ZNF407: variants seen among roughly 807,000 people sequenced by gnomAD.
ZNF407 encodes the protein zinc finger protein 407.
ZNF407 carries 17 observed loss-of-function variants against 131.2 expected under a neutral mutation model. The ratio of observed to expected loss-of-function variants is 0.13; its 90% confidence interval spans 0.09 to 0.19. The LOEUF is 0.19. Ranked by LOEUF, ZNF407 falls within the 10% of genes least tolerant of loss-of-function variation. The pLI is 1.00. For synonymous variants in ZNF407, 1,156 were observed against 1,062.0 expected (o/e 1.09, Z -1.72); for missense variants, 2,681 against 2,830.6 (o/e 0.95, Z 1.20).
At chr18:74,786,383 C>A (rs1204678363) in intron 4 of ZNF407, among the ~76,000 whole-genome samples, 1 of 152,082 alleles carries the variant, frequency 6.6e-6, no homozygotes, top group Non-Finnish European at 1.5e-5. Flanking sequence ...CCTCTGTGTC[C>A]AGGCTTCAGG....
intron 3 of ZNF407, among the ~76,000 whole-genome samples, chr18:74,680,746 C>T (rs1966964696): frequency 6.6e-6 from 1 of 152,082 alleles, no homozygotes. Context: ...GTGTTTACCT[C>T]ATCTCCCTGG....
At position 74,884,686 on chromosome 18, in the gene ZNF407, A is replaced by G. The variant is rs115480521; in HGVS notation, c.5128+3567A>G. Among the ~76,000 whole-genome samples, 677 of 152,312 alleles carry G rather than the reference A, an allele frequency of 4.4e-3. 7 individuals carry two copies. Among genetic ancestry groups the G allele is most frequent in the African/African-American group, 0.015 (641 of 41,590 alleles). On this transcript the variant is annotated intron_variant, in intron 6 of 8. Coordinates refer to ENST00000299687, the MANE Select transcript of ZNF407 (RefSeq NM_017757.3). ...TTAATATGAACTATAGAGAATATAT[A>G]TGACATTATTCCTTAGAAGGACTGT...
At chr18:74,960,437 G>C (rs1160874687) in intron 8 of ZNF407, among the ~76,000 whole-genome samples, 290 of 144,262 alleles carry the variant, frequency 2.0e-3, no homozygotes, top group African/African-American at 7.1e-3. Context: ...GGTCCCGACT[G>C]AGTGCTTGGT....
chr18:74,832,358 CT>C (rs2145119494), intron 4 of ZNF407, among the ~76,000 whole-genome samples: 1 of 152,212 alleles, frequency 6.6e-6, no homozygotes, highest in South Asian at 2.1e-4. Flanking sequence ...GACATTCTCT[CT>C]AGTTATACGT....
At chr18:75,008,758 G>A (rs1287562260) in intron 8 of ZNF407, among the ~76,000 whole-genome samples, 1 of 152,122 alleles carries the variant, frequency 6.6e-6, no homozygotes, top group Non-Finnish European at 1.5e-5. Context: ...ACTACCTTCT[G>A]ATCTTTTGCG....
At chr18:74,672,441 T>TCGTCTGTTCATTGGAGCAC (rs1568158462) in intron 3 of ZNF407, among the ~76,000 whole-genome samples, 8 of 22,862 alleles carry the variant, frequency 3.5e-4, no homozygotes, top group Non-Finnish European at 1.4e-3. Flanking sequence ...GGAGCACTGT[T>TCGTCTGTTCATTGGAGCAC]TGTCTGTTCA....
At chr18:75,040,502 G>T (rs917812366) in intron 8 of ZNF407, among the ~76,000 whole-genome samples, 5 of 152,124 alleles carry the variant, frequency 3.3e-5, no homozygotes, top group African/African-American at 1.2e-4. Context: ...TCTTGTCAGT[G>T]TGTTCCGCAT....
chr18:74,613,389 G>T (rs549079969), intron 1 of ZNF407, among the ~76,000 whole-genome samples: 1 of 152,290 alleles, frequency 6.6e-6, no homozygotes, highest in East Asian at 1.9e-4. Flanking sequence ...ACAAAAAGAT[G>T]ACTCTAGAAG....
At chr18:74,852,406 A>T (rs1272112132) in intron 4 of ZNF407, among the ~76,000 whole-genome samples, 3 of 152,162 alleles carry the variant, frequency 2.0e-5, no homozygotes, top group Non-Finnish European at 4.4e-5. Context: ...AGCTGTATCA[A>T]ACTAAGATAA....
chr18:74,967,180 G>T (rs1414944701), intron 8 of ZNF407, among the ~76,000 whole-genome samples: 1 of 152,128 alleles, frequency 6.6e-6, no homozygotes, highest in Non-Finnish European at 1.5e-5. Flanking sequence ...CCTGAGCCTG[G>T]GAGGTTGAGG....
At chr18:74,657,091 T>G (rs1163030498) in intron 3 of ZNF407, among the ~76,000 whole-genome samples, 1 of 151,948 alleles carries the variant, frequency 6.6e-6, no homozygotes, top group African/African-American at 2.4e-5. Flanking sequence ...AGTTTTTTTT[T>G]TTTTTTTTAA....
At chr18:74,994,086 CTG>C (rs1276413783) in intron 8 of ZNF407, among the ~76,000 whole-genome samples, 3 of 152,144 alleles carry the variant, frequency 2.0e-5, no homozygotes, top group Admixed American at 6.5e-5. Context: ...AGAATAAGGT[CTG>C]TAGATTGGAG....
At chr18:74,698,401 G>A (rs969099308) in intron 3 of ZNF407, among the ~76,000 whole-genome samples, 9 of 152,140 alleles carry the variant, frequency 5.9e-5, no homozygotes, top group Non-Finnish European at 1.2e-4. Flanking sequence ...GGTTCATACC[G>A]TTGTCCTTCT....
At chr18:74,767,518 A>G (rs186338323) in intron 3 of ZNF407, among the ~76,000 whole-genome samples, 2 of 152,244 alleles carry the variant, frequency 1.3e-5, no homozygotes, top group Admixed American at 6.5e-5. Context: ...TATTTCATGG[A>G]AAATATTTAT....
chr18:75,004,455 G>C (rs377152362), intron 8 of ZNF407, among the ~76,000 whole-genome samples: 119 of 152,284 alleles, frequency 7.8e-4, no homozygotes, highest in African/African-American at 2.8e-3. Flanking sequence ...GGACAGGCCC[G>C]TGCCACCGAA....
chr18:74,979,003 G>T (rs1176917853), intron 8 of ZNF407, among the ~76,000 whole-genome samples: 3 of 152,162 alleles, frequency 2.0e-5, no homozygotes, highest in African/African-American at 7.2e-5. Context: ...AGGGAGAGAT[G>T]TGGGAAAGGC....
intron 8 of ZNF407, among the ~76,000 whole-genome samples, chr18:75,017,119 A>G (rs1477891691): frequency 6.6e-6 from 1 of 152,154 alleles, no homozygotes; most frequent in Admixed American, 6.6e-5. Flanking sequence ...AGAAAAGAAA[A>G]TGGATAGTTT....
Position 75,063,319 on chromosome 18 carries a change from C to T in ZNF407, c.5598C>T (p.Val1866=), listed in dbSNP as rs916441950. The T allele has an allele frequency of 3.7e-6, 6 of 1,613,464 alleles. No homozygotes were observed. The highest frequency in any genetic ancestry group is 5.1e-6 in the Non-Finnish European group (6 of 1,179,824). Residue 1866 remains valine (V), a synonymous_variant, in exon 9 of 9, where the codon GTC becomes GTT. Transcript: ENST00000299687. The surrounding 1 kb of genome is among the most constrained non-coding windows in gnomAD (Gnocchi z 6.6). ...CGCCCCCTGAGCAGGTGCAGCAGGTCATCATCTTCCAGGGCTACGACGGGG... is the reference window on the plus strand; with the variant it reads ...CGCCCCCTGAGCAGGTGCAGCAGGTTATCATCTTCCAGGGCTACGACGGGG... ...PAPPPEQVQQ[V]IIFQGYDGEF... is the part of the protein sequence containing the mutation.
intron 6 of ZNF407, 33 bp from the exon 7 acceptor site, chr18:74,889,885 T>C: frequency 6.3e-7 from 1 of 1,576,442 alleles, no homozygotes; most frequent in Non-Finnish European, 8.6e-7. Flanking sequence ...TTGTTATTAT[T>C]ATTCATCTGT....
Sources: gnomAD v4.1 joint callset for allele counts (sites outside exome capture counted in the v4.1 genomes callset) on GRCh38, gnomAD v4.1.1 for gene constraint, Gnocchi (gnomAD v3.1) non-coding constraint, MANE v1.5 for transcripts, NCBI Gene and HGNC (gene_info 2026-07-23, HGNC 2026-07-21) for gene names.